ATL2: variants seen among roughly 807,000 people sequenced by gnomAD.
ATL2 encodes the protein atlastin GTPase 2, also known as atlastin-2.
ATL2 carries 31 observed loss-of-function variants against 73.9 expected under a neutral mutation model. That is an observed-to-expected ratio of 0.42 (90% CI 0.32 to 0.57). ATL2 has a LOEUF of 0.57. ATL2 is among the 20% of genes least tolerant of loss of function. The pLI is 0.14. For missense variants in ATL2, 738 were observed against 702.6 expected (o/e 1.05, Z -0.57); for synonymous variants, 291 against 237.5 (o/e 1.23, Z -2.07).
intron 4 of ATL2, among the ~76,000 whole-genome samples, chr2:38,317,292 G>C (rs573725288): frequency 1.1e-3 from 168 of 151,932 alleles, no homozygotes; most frequent in Non-Finnish European, 2.0e-3. Context: ...TCACCAGCTG[G>C]GCCTAACCGC....
chr2:38,376,792 GC>G (rs1181760610), intron 1 of ATL2, among the ~76,000 whole-genome samples: 1 of 151,648 alleles, frequency 6.6e-6, no homozygotes, highest in Non-Finnish European at 1.5e-5. Flanking sequence ...ACCTCCCCGC[GC>G]CCCGGGCAGG....
At chr2:38,329,816 C>A (rs1668878327) in intron 2 of ATL2, among the ~76,000 whole-genome samples, 1 of 151,922 alleles carries the variant, frequency 6.6e-6, no homozygotes, top group Non-Finnish European at 1.5e-5. Flanking sequence ...AAATGTAATC[C>A]ATCATAACAA....
At position 38,298,394 on chromosome 2, in the gene ATL2, T is replaced by G; in HGVS notation, c.1382A>C (p.Lys461Thr). The G allele has an allele frequency of 6.2e-7, 1 of 1,614,230 alleles. No homozygotes were observed. Among genetic ancestry groups the G allele is most frequent in the Non-Finnish European group, 8.5e-7 (1 of 1,180,038 alleles). The change falls in exon 12 of 13, where the codon AAG becomes ACG. Residue 461 changes from lysine to threonine, a missense_variant. Coordinates refer to ENST00000378954, the MANE Select transcript of ATL2 (RefSeq NM_001135673.4). ...EIEETYANFI[K>T]HNDGKNIFYA... is the part of the protein sequence containing the mutation. Reference sequence around the variant, plus strand: ...GAAGATATTTTTGCCATCATTGTGCTTTATAAAATTTGCATAGGTTTCTTC... The same window carrying G: ...GAAGATATTTTTGCCATCATTGTGCGTTATAAAATTTGCATAGGTTTCTTC...
chr2:38,363,928 GCACC>G (rs1671155855), intron 1 of ATL2, among the ~76,000 whole-genome samples: 2 of 152,166 alleles, frequency 1.3e-5, no homozygotes, highest in Non-Finnish European at 2.9e-5. Context: ...GAAGACGGCT[GCACC>G]TCTTAAGCCC....
chr2:38,314,540 T>C (rs878882963), intron 6 of ATL2, 68 bp downstream of exon 6: 19 of 1,171,090 alleles, frequency 1.6e-5, no homozygotes, highest in Middle Eastern at 3.9e-4. Flanking sequence ...GTCTCCAAAA[T>C]TACAAACTGA....
At chr2:38,332,966 A>T (rs1277478838) in intron 2 of ATL2, among the ~76,000 whole-genome samples, 1 of 152,226 alleles carries the variant, frequency 6.6e-6, no homozygotes, top group Non-Finnish European at 1.5e-5. Flanking sequence ...CTGAGGCAGG[A>T]GGATTGCTTG....
At chr2:38,351,204 T>A (rs1670316996) in intron 1 of ATL2, among the ~76,000 whole-genome samples, 1 of 152,166 alleles carries the variant, frequency 6.6e-6, no homozygotes, top group Admixed American at 6.6e-5. Flanking sequence ...GCCTAGTACT[T>A]GAACCTCAAC....
At chr2:38,360,259 C>CTTTTTT (rs566192942) in intron 1 of ATL2, among the ~76,000 whole-genome samples, 1 of 135,404 alleles carries the variant, frequency 7.4e-6, no homozygotes, top group African/African-American at 2.7e-5. Flanking sequence ...TCAGGGGATT[C>CTTTTTT]TTTTTTTTTT....
At chr2:38,321,966 T>C (rs1189760962) in intron 2 of ATL2, among the ~76,000 whole-genome samples, 2 of 152,166 alleles carry the variant, frequency 1.3e-5, no homozygotes, top group Non-Finnish European at 2.9e-5. Context: ...TTGTCTGTGC[T>C]CCTGATACTC....
At chr2:38,352,457 A>G (rs534322078) in intron 1 of ATL2, among the ~76,000 whole-genome samples, 1 of 152,316 alleles carries the variant, frequency 6.6e-6, no homozygotes, top group South Asian at 2.1e-4. Context: ...TATAGAGTGA[A>G]GAACTAGAGC....
In ATL2 at chr2:38,310,379, A is replaced by G; in HGVS notation, c.873T>C (p.Leu291=). ...RKHIHNCFSN[L]GCFLLPHPGL... is the part of the protein sequence containing the mutation. ...CAGGATGTGGCAAAAGGAAGCAACC[A>G]AGATTTGAGAAACAATTGTGTATGT... The change falls in exon 8 of 13, where the codon CTT becomes CTC. Residue 291 remains leucine, a synonymous_variant. Coordinates refer to ENST00000378954, the MANE Select transcript of ATL2 (RefSeq NM_001135673.4). 1 of 1,610,452 alleles carries G rather than the reference A, an allele frequency of 6.2e-7. No individual in the cohort carries two copies.
chr2:38,303,000 T>C lies in ATL2; in HGVS notation c.1072-2672A>G, dbSNP rs148943506. Among the ~76,000 whole-genome samples, 186 of 152,228 alleles carry C rather than the reference T, an allele frequency of 1.2e-3. 1 individual carries two copies. The highest frequency in any genetic ancestry group is 1.3e-3 in the Non-Finnish European group (88 of 68,008). On this transcript the variant is annotated intron_variant, in intron 9 of 12. Coordinates refer to ENST00000378954, the MANE Select transcript of ATL2 (RefSeq NM_001135673.4). ...GAAATAAAGCACCAGTGACCAATCC[T>C]GGAGAGACAGAGATAACTGACCTTT...
At chr2:38,361,873 T>C (rs1486343074) in intron 1 of ATL2, among the ~76,000 whole-genome samples, 2 of 152,216 alleles carry the variant, frequency 1.3e-5, no homozygotes, top group African/African-American at 4.8e-5. Context: ...TCTTCGAAGA[T>C]GTTTTTTTAA....
intron 2 of ATL2, among the ~76,000 whole-genome samples, chr2:38,328,526 A>C (rs539067093): frequency 1.3e-5 from 2 of 152,178 alleles, no homozygotes; most frequent in Non-Finnish European, 2.9e-5. Context: ...TAACAGAAAC[A>C]CAGCTGGAAA....
At chr2:38,357,047 C>T (rs545249000) in intron 1 of ATL2, among the ~76,000 whole-genome samples, 6 of 152,086 alleles carry the variant, frequency 3.9e-5, no homozygotes, top group South Asian at 4.2e-4. Context: ...AAGGTTTAGC[C>T]GGCTGGGTGC....
At chr2:38,358,638 G>A in intron 1 of ATL2, 1 of 212,028 alleles carries the variant, frequency 4.7e-6, no homozygotes, top group South Asian at 4.4e-5. Context: ...CTTGCAGTGA[G>A]CCGAGACCGT....
chr2:38,377,264 G>T lies in ATL2; in HGVS notation c.-4C>A, dbSNP rs760457047. ...CTGCCTCGTCCCCCTCCGCCATCTTGTACCGATTTAAAATTAACTCCCCAC... is the reference window on the plus strand; with the variant it reads ...CTGCCTCGTCCCCCTCCGCCATCTTTTACCGATTTAAAATTAACTCCCCAC... On this transcript the variant is annotated 5_prime_UTR_variant, in exon 1 of 13. Transcript: ENST00000378954. 35 of 1,568,274 alleles carry T rather than the reference G, an allele frequency of 2.2e-5. No individual in the cohort carries two copies. The highest frequency in any genetic ancestry group is 1.2e-4 in the South Asian group (10 of 86,418).
chr2:38,327,538 T>TACAAAAAAAAAAAAAAAA (rs1668734402), intron 2 of ATL2, among the ~76,000 whole-genome samples: 1 of 39,482 alleles, frequency 2.5e-5, no homozygotes, highest in Non-Finnish European at 4.9e-5. Flanking sequence ...AAAAAAAAAG[T>TACAAAAAAAAAAAAAAAA]ACAAAAAAAA....
chr2:38,341,229 G>A (rs1166969827), intron 2 of ATL2, among the ~76,000 whole-genome samples: 1 of 152,162 alleles, frequency 6.6e-6, no homozygotes, highest in Non-Finnish European at 1.5e-5. Flanking sequence ...GACTTAAGAG[G>A]ACCTCAAAAT....
Sources: gnomAD v4.1 joint callset for allele counts (sites outside exome capture counted in the v4.1 genomes callset) on GRCh38, gnomAD v4.1.1 for gene constraint, MANE v1.5 for transcripts, NCBI Gene and HGNC (gene_info 2026-07-23, HGNC 2026-07-21) for gene names.